Variants in METAP1 observed in about 807,000 individuals in gnomAD.
METAP1 encodes the protein methionine aminopeptidase 1.
In METAP1, 28 loss-of-function variants were observed where a neutral mutation model predicts 53.8. That is an observed-to-expected ratio of 0.52 (90% CI 0.39 to 0.71). The LOEUF (loss-of-function observed/expected upper bound fraction) is 0.71, where lower values mean the gene tolerates loss of function less well. METAP1 is among the 30% of genes least tolerant of loss of function. The probability of loss-of-function intolerance (pLI) is 0.00; values close to 1 mark genes in which losing one functional copy is unlikely to be tolerated. For missense variants in METAP1, 389 were observed against 479.8 expected, an observed-to-expected ratio of 0.81 and a Z score of 1.77; for synonymous variants, 181 against 165.7, an observed-to-expected ratio of 1.09 and a Z score of -0.71.
chr4:99,006,406 T>A (rs573491834), intron 1 of METAP1, among the ~76,000 whole-genome samples: 1 of 152,308 alleles, frequency 6.6e-6, no homozygotes, highest in Non-Finnish European at 1.5e-5. Flanking sequence ...TGCAGTATAC[T>A]CTTCACCTAA....
chr4:99,001,752 A>G (rs911646203), intron 1 of METAP1, among the ~76,000 whole-genome samples: 3 of 152,234 alleles, frequency 2.0e-5, no homozygotes, highest in Non-Finnish European at 4.4e-5. Flanking sequence ...TCAGGAACGT[A>G]TAATAATGGT....
chr4:99,030,914 G>A (rs762089493), intron 2 of METAP1, among the ~76,000 whole-genome samples: 1 of 151,676 alleles, frequency 6.6e-6, no homozygotes. Flanking sequence ...AAAATAAAAT[G>A]GGATATATTT....
At chr4:99,047,514 A>G (rs960228443) in intron 8 of METAP1, among the ~76,000 whole-genome samples, 1 of 152,232 alleles carries the variant, frequency 6.6e-6, no homozygotes, top group Non-Finnish European at 1.5e-5. Flanking sequence ...GAAAGTCAGC[A>G]TGATTTTTCA....
intron 9 of METAP1, among the ~76,000 whole-genome samples, chr4:99,052,875 G>A (rs1324695980): frequency 1.3e-5 from 2 of 152,148 alleles, no homozygotes; most frequent in Admixed American, 6.5e-5. Context: ...CTCAAACCCT[G>A]CTCCTGTTTT....
At chr4:99,048,109 G>A (rs569999793) in intron 8 of METAP1, among the ~76,000 whole-genome samples, 1 of 152,260 alleles carries the variant, frequency 6.6e-6, no homozygotes, top group South Asian at 2.1e-4. Context: ...TTGGCCTTAG[G>A]GAAGGATGCG....
At chr4:99,057,878 C>A in intron 10 of METAP1, 60 bp downstream of exon 10, 3 of 1,426,698 alleles carry the variant, frequency 2.1e-6, no homozygotes, top group Non-Finnish European at 9.6e-7. Context: ...TTAGGTAATT[C>A]ATCATGTCAG....
intron 9 of METAP1, among the ~76,000 whole-genome samples, chr4:99,049,188 G>A (rs979129088): frequency 1.3e-5 from 2 of 152,142 alleles, no homozygotes; most frequent in Non-Finnish European, 2.9e-5. Context: ...TAGTGGAGAT[G>A]TTGGGGGTTG....
chr4:99,028,789 T>C, intron 1 of METAP1, 78 bp from the exon 2 acceptor site: 1 of 1,048,774 alleles, frequency 9.5e-7, no homozygotes, highest in South Asian at 1.7e-5. Flanking sequence ...ACAATAACTC[T>C]TGCTTATATA....
intron 9 of METAP1, 118 bp from the exon 10 acceptor site, chr4:99,057,635 A>G: frequency 5.6e-6 from 4 of 716,330 alleles, no homozygotes; most frequent in South Asian, 1.9e-5. Flanking sequence ...AAAGGGAATC[A>G]GGGTAATTAA....
intron 10 of METAP1, among the ~76,000 whole-genome samples, chr4:99,059,532 A>C (rs1727392814): frequency 6.6e-6 from 1 of 152,230 alleles, no homozygotes; most frequent in African/African-American, 2.4e-5. Flanking sequence ...TGAGGCAGTG[A>C]GTCCTAGAGG....
intron 1 of METAP1, among the ~76,000 whole-genome samples, chr4:99,004,437 G>C (rs1723070257): frequency 6.9e-6 from 1 of 144,718 alleles, no homozygotes; most frequent in Non-Finnish European, 1.5e-5. Flanking sequence ...CCAAGGAACT[G>C]TGGACAGATA....
chr4:99,051,838 C>G (rs981124525), intron 9 of METAP1, among the ~76,000 whole-genome samples: 5 of 151,614 alleles, frequency 3.3e-5, no homozygotes, highest in East Asian at 1.9e-4. Context: ...GTTTGTAACT[C>G]TATATTCCTA....
chr4:99,039,718 T>C (rs952340762), intron 5 of METAP1, among the ~76,000 whole-genome samples: 9 of 152,020 alleles, frequency 5.9e-5, no homozygotes, highest in Non-Finnish European at 7.4e-5. Context: ...CTCAGCCTCC[T>C]GAGTAGCTGG....
chr4:99,009,538 TTTTG>T (rs1723368871), intron 1 of METAP1, among the ~76,000 whole-genome samples: 1 of 152,184 alleles, frequency 6.6e-6, no homozygotes, highest in Non-Finnish European at 1.5e-5. Flanking sequence ...TTCTTTTCTG[TTTTG>T]TTTTTTTCAT....
intron 9 of METAP1, among the ~76,000 whole-genome samples, chr4:99,055,855 C>CA (rs1293283630): frequency 6.6e-6 from 1 of 152,144 alleles, no homozygotes; most frequent in Non-Finnish European, 1.5e-5. Flanking sequence ...GAAATACAGA[C>CA]CAATTCTGTA....
chr4:99,019,579 C>G (rs1200004693), intron 1 of METAP1, among the ~76,000 whole-genome samples: 1 of 152,188 alleles, frequency 6.6e-6, no homozygotes, highest in Non-Finnish European at 1.5e-5. Context: ...AACCTCGACC[C>G]CTGCCTCTCT....
At position 99,039,385 on chromosome 4, in the gene METAP1, T is replaced by C; in HGVS notation, c.352T>C (p.Ser118Pro). 2 of 1,606,452 alleles carry C rather than the reference T, an allele frequency of 1.2e-6. No homozygotes were observed. Among genetic ancestry groups the C allele is most frequent in the Non-Finnish European group, 1.7e-6 (2 of 1,174,852 alleles). The change falls in exon 5 of 11, where the codon TCT becomes CCT. Residue 118 changes from serine to proline, a missense_variant. Physicochemically the swap from Ser to Pro is moderately conservative, Grantham distance 74. Coordinates refer to ENST00000296411, the MANE Select transcript of METAP1 (RefSeq NM_015143.3). ...AATTTTCATTCCAGGAATGTCTGAATCTGAACAGGCTCTTAAAGGTACTTC... is the reference window on the plus strand; with the variant it reads ...AATTTTCATTCCAGGAATGTCTGAACCTGAACAGGCTCTTAAAGGTACTTC... ...YADHPLGMSE[S>P]EQALKGTSQI...
At chr4:99,013,544 A>G (rs1009166436) in intron 1 of METAP1, among the ~76,000 whole-genome samples, 2 of 152,358 alleles carry the variant, frequency 1.3e-5, no homozygotes, top group East Asian at 3.9e-4. Flanking sequence ...CAGCCACGAG[A>G]GCACACCAAA....
At chr4:99,043,963 C>G (rs747377563) in intron 7 of METAP1, among the ~76,000 whole-genome samples, 1 of 152,106 alleles carries the variant, frequency 6.6e-6, no homozygotes, top group Non-Finnish European at 1.5e-5. Context: ...GAGACAGGGT[C>G]TCACTGTCAC....
Sources: gnomAD v4.1 joint callset for allele counts (sites outside exome capture counted in the v4.1 genomes callset) on GRCh38, gnomAD v4.1.1 for gene constraint, MANE v1.5 for transcripts, NCBI Gene and HGNC (gene_info 2026-07-23, HGNC 2026-07-21) for gene names.